Variants in TSPAN9 observed in about 807,000 individuals in gnomAD.
TSPAN9 encodes tetraspanin-9.
A neutral mutation model predicts 31.0 loss-of-function variants in TSPAN9; 16 were observed. The observed-to-expected ratio is 0.52, with a 90% CI of 0.35 to 0.78. The LOEUF (loss-of-function observed/expected upper bound fraction) is 0.78, where lower values mean the gene tolerates loss of function less well. TSPAN9 is among the 30% of genes least tolerant of loss of function. TSPAN9 has a pLI of 0.01. For synonymous variants in TSPAN9, 145 were observed against 121.6 expected, an observed-to-expected ratio of 1.19 and a Z score of -1.27; for missense variants, 272 against 312.5, an observed-to-expected ratio of 0.87 and a Z score of 0.98.
chr12:3,117,153 GT>G (rs2098322799), intron 2 of TSPAN9, among the ~76,000 whole-genome samples: 1 of 152,150 alleles, frequency 6.6e-6, no homozygotes, highest in Admixed American at 6.5e-5. Context: ...TTCCCCTCCT[GT>G]TTTCCAGGCT....
In TSPAN9 at chr12:3,168,959, C is replaced by T. The variant is rs1306669297; in HGVS notation, c.-17-32218C>T. On this transcript the variant is annotated intron_variant, in intron 2 of 8. Coordinates refer to ENST00000011898, the MANE Select transcript of TSPAN9 (RefSeq NM_006675.5). This position sits in a 1 kb window ranked among gnomAD's most constrained non-coding sequence, Gnocchi z 4.0. The stretch of plus-strand genomic sequence containing the variant: ...GGTGGTGATCTCATGTGGCATTAAA[C>T]GGAGCTGGGAACATGAAGTGTGTGT... Among the ~76,000 whole-genome samples, 2 of 152,290 alleles carry T rather than the reference C, an allele frequency of 1.3e-5. No homozygotes were observed. The highest frequency in any genetic ancestry group is 2.1e-4 in the South Asian group (1 of 4,826).
chr12:3,244,609 T>C (rs1368282188), intron 3 of TSPAN9, among the ~76,000 whole-genome samples: 1 of 152,142 alleles, frequency 6.6e-6, no homozygotes, highest in East Asian at 1.9e-4. Flanking sequence ...GACCACGCGC[T>C]GCAGGCAGAC....
intron 3 of TSPAN9, among the ~76,000 whole-genome samples, chr12:3,270,109 C>A (rs534980691): frequency 6.6e-6 from 1 of 152,266 alleles, no homozygotes; most frequent in African/African-American, 2.4e-5. Context: ...TTCGGCCCTA[C>A]ACCGGGCCCC....
At chr12:3,269,184 GTTTTT>G (rs1173188880) in intron 3 of TSPAN9, among the ~76,000 whole-genome samples, 82 of 105,788 alleles carry the variant, frequency 7.8e-4, no homozygotes, top group Non-Finnish European at 1.1e-3. Context: ...TGCCCTCTGT[GTTTTT>G]CCAGCCTGCC....
chr12:3,145,086 G>A (rs1297522986), intron 2 of TSPAN9, among the ~76,000 whole-genome samples: 1 of 152,158 alleles, frequency 6.6e-6, no homozygotes, highest in East Asian at 1.9e-4. Context: ...TCATTCCTAG[G>A]GCTCCTTTTT....
At chr12:3,177,803 A>G (rs148104700) in intron 2 of TSPAN9, among the ~76,000 whole-genome samples, 8 of 152,354 alleles carry the variant, frequency 5.3e-5, no homozygotes, top group African/African-American at 1.9e-4. Context: ...AATATTCCCA[A>G]GTTTACAACC....
chr12:3,115,606 C>G (rs1212203369), intron 2 of TSPAN9, among the ~76,000 whole-genome samples: 2 of 152,176 alleles, frequency 1.3e-5, no homozygotes, highest in African/African-American at 4.8e-5. Context: ...GTGAAGCCCT[C>G]TTCTGGGTTC....
At chr12:3,244,341 C>T (rs2098398200) in intron 3 of TSPAN9, among the ~76,000 whole-genome samples, 1 of 152,188 alleles carries the variant, frequency 6.6e-6, no homozygotes, top group African/African-American at 2.4e-5. Context: ...TTCAGCCACT[C>T]CCTCAAGGCC....
intron 3 of TSPAN9, among the ~76,000 whole-genome samples, chr12:3,239,234 G>C (rs1233751831): frequency 2.0e-5 from 3 of 149,710 alleles, no homozygotes; most frequent in African/African-American, 7.6e-5. Context: ...AGTGAGTGGT[G>C]GGGCTCTGTT....
intron 2 of TSPAN9, among the ~76,000 whole-genome samples, chr12:3,121,539 T>G (rs977501685): frequency 4.4e-5 from 6 of 136,528 alleles, no homozygotes; most frequent in East Asian, 4.5e-4. Context: ...AAAACTTTTT[T>G]TTTTTTTTTT....
intron 2 of TSPAN9, among the ~76,000 whole-genome samples, chr12:3,127,998 C>G (rs761600901): frequency 1.5e-4 from 23 of 152,154 alleles, no homozygotes; most frequent in Non-Finnish European, 2.9e-4. Context: ...CACGTCAAGA[C>G]TGTGTGTTGT....
Position 3,283,034 on chromosome 12 carries a change from G to A in TSPAN9, c.649-11G>A, listed in dbSNP as rs200356813. 5.2e-5 allele frequency: 84 copies of A among 1,607,068 alleles called. No homozygotes were observed. The Middle Eastern group carries it at 8.2e-4, about 16-fold the overall frequency. On this transcript the variant is annotated splice_polypyrimidine_tract_variant and intron_variant, in intron 8 of 8. Coordinates refer to ENST00000011898, the MANE Select transcript of TSPAN9 (RefSeq NM_006675.5). ...CAGCTCCTGCCTCAGGCCCCTCCCC[G>A]TGTCTTTCAGATCCTGGGCATGGCC...
chr12:3,282,025 C>CA, intron 8 of TSPAN9: 1 of 733,736 alleles, frequency 1.4e-6, no homozygotes, highest in Non-Finnish European at 2.5e-6. Context: ...GAGTGGTGCT[C>CA]AGGGCTGCCT....
At chr12:3,265,449 G>A (rs1565638030) in intron 3 of TSPAN9, among the ~76,000 whole-genome samples, 1 of 152,184 alleles carries the variant, frequency 6.6e-6, no homozygotes, top group Non-Finnish European at 1.5e-5. Context: ...ATTTCCATGA[G>A]CTCCTGTTTT....
chr12:3,248,490 C>G (rs2153977838), intron 3 of TSPAN9, among the ~76,000 whole-genome samples: 1 of 152,334 alleles, frequency 6.6e-6, no homozygotes, highest in Admixed American at 6.5e-5. Flanking sequence ...GTTCTTCTCT[C>G]TTTCCTTGAC....
chr12:3,260,060 T>TG (rs916382033), intron 3 of TSPAN9, among the ~76,000 whole-genome samples: 3 of 152,194 alleles, frequency 2.0e-5, no homozygotes, highest in African/African-American at 7.2e-5. Context: ...CTAGTACGCG[T>TG]GAGATGCCTG....
intron 3 of TSPAN9, among the ~76,000 whole-genome samples, chr12:3,245,663 G>C (rs1056999342): frequency 6.6e-6 from 1 of 152,200 alleles, no homozygotes; most frequent in Non-Finnish European, 1.5e-5. Flanking sequence ...ATAAGAGGGG[G>C]TGGTGGAGGC....
rs2153970102 is a variant in TSPAN9 at position 3,168,973 on chromosome 12, T to G, written c.-17-32204T>G. 6.6e-6 allele frequency among the ~76,000 whole-genome samples: 1 copy of G among 152,320 alleles called. No homozygotes were observed. The highest frequency in any genetic ancestry group is 6.5e-5 in the Admixed American group (1 of 15,304). ...GTGGCATTAAACGGAGCTGGGAACA[T>G]GAAGTGTGTGTACGCTTCTCTTTTC... is the stretch of plus-strand genomic sequence containing the variant. On this transcript the variant is annotated intron_variant, in intron 2 of 8. Coordinates refer to ENST00000011898, the MANE Select transcript of TSPAN9 (RefSeq NM_006675.5). This position sits in a 1 kb window ranked among gnomAD's most constrained non-coding sequence, Gnocchi z 4.0.
intron 3 of TSPAN9, among the ~76,000 whole-genome samples, chr12:3,238,395 G>A (rs1226501801): frequency 6.6e-6 from 1 of 152,200 alleles, no homozygotes; most frequent in Admixed American, 6.5e-5. Flanking sequence ...GTCCGCAGCT[G>A]CCAGGGGCCA....
Sources: gnomAD v4.1 joint callset for allele counts (sites outside exome capture counted in the v4.1 genomes callset) on GRCh38, gnomAD v4.1.1 for gene constraint, Gnocchi (gnomAD v3.1) non-coding constraint, MANE v1.5 for transcripts, NCBI Gene and HGNC (gene_info 2026-07-23, HGNC 2026-07-21) for gene names.